Variants in PHTF2 observed in about 807,000 individuals in gnomAD.
The protein encoded by PHTF2 is protein PHTF2.
A neutral mutation model predicts 101.2 loss-of-function variants in PHTF2; 60 were observed. That is an observed-to-expected ratio of 0.59 (90% confidence interval 0.48 to 0.73). The LOEUF is 0.73. Among genes scored for constraint, PHTF2 ranks in the 30% least tolerant of loss-of-function variants. The pLI, the probability that PHTF2 is intolerant of heterozygous loss-of-function variation, is 0.00. For synonymous variants in PHTF2, 311 were observed against 307.3 expected (o/e 1.01, Z -0.13); for missense variants, 747 against 908.7 (o/e 0.82, Z 2.29).
intron 1 of PHTF2, among the ~76,000 whole-genome samples, chr7:77,828,103 C>T (rs554906137): frequency 1.3e-5 from 2 of 152,160 alleles, no homozygotes; most frequent in South Asian, 4.1e-4. Context: ...ACTTGGAACA[C>T]TAATTTAGAA....
At chr7:77,812,621 G>A (rs1255435471) in intron 1 of PHTF2, among the ~76,000 whole-genome samples, 1 of 149,114 alleles carries the variant, frequency 6.7e-6, no homozygotes, top group Non-Finnish European at 1.5e-5. Flanking sequence ...ACAGAGCCTC[G>A]CTCTGTCACC....
At chr7:77,815,092 A>T (rs1793752351) in intron 1 of PHTF2, among the ~76,000 whole-genome samples, 1 of 152,016 alleles carries the variant, frequency 6.6e-6, no homozygotes. Context: ...AAATAAAATA[A>T]AACAGCAAAA....
intron 18 of PHTF2, among the ~76,000 whole-genome samples, chr7:77,952,181 ATC>A (rs1806606602): frequency 6.6e-6 from 1 of 152,156 alleles, no homozygotes; most frequent in East Asian, 1.9e-4. Flanking sequence ...GATGTATTTT[ATC>A]TCATAGTAAC....
intron 12 of PHTF2, among the ~76,000 whole-genome samples, chr7:77,936,439 G>A (rs1335082099): frequency 1.3e-5 from 2 of 152,134 alleles, no homozygotes; most frequent in African/African-American, 4.8e-5. Context: ...CACTTTGGGA[G>A]GCTTAGGTGG....
intron 3 of PHTF2, among the ~76,000 whole-genome samples, chr7:77,864,694 C>T (rs1017188505): frequency 3.3e-5 from 5 of 152,026 alleles, no homozygotes; most frequent in Non-Finnish European, 7.4e-5. Flanking sequence ...CTTTCATAAT[C>T]CCCTGAAAAC....
At chr7:77,800,851 C>G (rs1011145326) in intron 1 of PHTF2, among the ~76,000 whole-genome samples, 2 of 152,194 alleles carry the variant, frequency 1.3e-5, no homozygotes, top group Non-Finnish European at 2.9e-5. Context: ...CTTAGTTTAA[C>G]TAATTTGTTC....
chr7:77,932,619 A>AGTGTGTGTGT (rs1390574112), intron 12 of PHTF2, among the ~76,000 whole-genome samples: 119 of 111,656 alleles, frequency 1.1e-3, no homozygotes, highest in African/African-American at 3.5e-3. Context: ...AGAGAGAGAG[A>AGTGTGTGTGT]GAGTGTGTGT....
At chr7:77,845,525 T>G (rs1036135791) in intron 2 of PHTF2, among the ~76,000 whole-genome samples, 4 of 152,206 alleles carry the variant, frequency 2.6e-5, no homozygotes, top group Admixed American at 1.3e-4. Context: ...GTAATTTAAA[T>G]GAGAAACTAG....
chr7:77,814,513 A>ATTT (rs771740540), intron 1 of PHTF2, among the ~76,000 whole-genome samples: 58 of 134,888 alleles, frequency 4.3e-4, no homozygotes, highest in African/African-American at 1.4e-3. Flanking sequence ...CTTGGGGGGC[A>ATTT]TTTTTTTTTT....
At chr7:77,945,029 A>C (rs1197636571) in intron 16 of PHTF2, among the ~76,000 whole-genome samples, 1 of 152,238 alleles carries the variant, frequency 6.6e-6, no homozygotes, top group Non-Finnish European at 1.5e-5. Flanking sequence ...GGGAGATCCA[A>C]CATAGGTCTA....
At chr7:77,836,351 ATCC>A (rs1584444052) in intron 1 of PHTF2, among the ~76,000 whole-genome samples, 2 of 152,192 alleles carry the variant, frequency 1.3e-5, no homozygotes, top group East Asian at 3.9e-4. Flanking sequence ...TATTGAAAAA[ATCC>A]ACATGTAAGC....
At chr7:77,935,127 C>A (rs796572606) in intron 12 of PHTF2, among the ~76,000 whole-genome samples, 2 of 68,386 alleles carry the variant, frequency 2.9e-5, no homozygotes, top group African/African-American at 4.2e-5. Context: ...CATTCCCCCC[C>A]CCCACACACA....
intron 3 of PHTF2, among the ~76,000 whole-genome samples, chr7:77,866,699 A>C (rs1223008466): frequency 6.6e-6 from 1 of 152,198 alleles, no homozygotes; most frequent in Non-Finnish European, 1.5e-5. Flanking sequence ...AATAGCAATA[A>C]TATGTTAGGT....
At chr7:77,864,910 T>A (rs1326899108) in intron 3 of PHTF2, among the ~76,000 whole-genome samples, 1 of 152,208 alleles carries the variant, frequency 6.6e-6, no homozygotes, top group African/African-American at 2.4e-5. Context: ...GCTTTAAAGA[T>A]ATTTCATATG....
At chr7:77,954,645 T>TAC (rs1404287485) in intron 19 of PHTF2, among the ~76,000 whole-genome samples, 1 of 143,908 alleles carries the variant, frequency 6.9e-6, no homozygotes, top group African/African-American at 2.5e-5. Flanking sequence ...TATATATATA[T>TAC]AGCCACTTCT....
At chr7:77,831,615 C>T (rs996292141) in intron 1 of PHTF2, among the ~76,000 whole-genome samples, 10 of 152,160 alleles carry the variant, frequency 6.6e-5, no homozygotes, top group East Asian at 1.9e-4. Context: ...CTCAGGAGGA[C>T]GTGCATGAGG....
Position 77,798,980 on chromosome 7 carries a change from G to A in PHTF2, c.-36+9G>A, listed in dbSNP as rs1792297562. On this transcript the variant is annotated intron_variant, in intron 1 of 19. Coordinates refer to ENST00000416283, the Ensembl canonical transcript of PHTF2. ...CGGCGCTCGCTCCTACGGTAAGAGC[G>A]GCATCACCTCCGCGCTCGGGTGGGC... 1 of 152,688 alleles carries A rather than the reference G, an allele frequency of 6.5e-6. No individual in the cohort carries two copies. The highest frequency in any genetic ancestry group is 1.5e-5 in the Non-Finnish European group (1 of 68,082). 9.5% of individuals were successfully genotyped at this position (152,688 alleles called of 1,614,324 possible).
intron 12 of PHTF2, among the ~76,000 whole-genome samples, chr7:77,934,175 A>G (rs1453551208): frequency 6.6e-6 from 1 of 152,222 alleles, no homozygotes; most frequent in Non-Finnish European, 1.5e-5. Context: ...TGTCTGCTAT[A>G]CAGATGGAAA....
At chr7:77,809,569 G>A (rs1367362893) in intron 1 of PHTF2, among the ~76,000 whole-genome samples, 1 of 152,134 alleles carries the variant, frequency 6.6e-6, no homozygotes, top group South Asian at 2.1e-4. Flanking sequence ...GTGTGTGTGT[G>A]TGTGCGCAAA....
Sources: allele counts gnomAD v4.1 joint callset (sites outside exome capture counted in the v4.1 genomes callset), GRCh38; gene constraint gnomAD v4.1.1; transcripts MANE v1.5; gene names NCBI Gene and HGNC (gene_info 2026-07-23, HGNC 2026-07-21).